The following TRABD variants were observed in gnomAD, a reference collection of about 807,000 sequenced individuals.
TRABD encodes the protein traB domain-containing protein.
In TRABD, 23 loss-of-function variants were observed where a neutral mutation model predicts 39.6. The observed-to-expected ratio is 0.58, with a 90% CI of 0.42 to 0.82. The LOEUF (loss-of-function observed/expected upper bound fraction) is 0.82. TRABD is among the 40% of genes least tolerant of loss of function. The pLI, the probability that TRABD is intolerant of heterozygous loss-of-function variation, is 0.00. For missense variants in TRABD, 487 were observed against 544.9 expected, an observed-to-expected ratio of 0.89 and a Z score of 1.06; for synonymous variants, 243 against 232.1, an observed-to-expected ratio of 1.05 and a Z score of -0.43.
intron 1 of TRABD, among the ~76,000 whole-genome samples, chr22:50,191,101 G>A (rs1172982678): frequency 2.0e-5 from 3 of 152,180 alleles, no homozygotes; most frequent in African/African-American, 7.2e-5. Context: ...TGTCTCCTTA[G>A]TCTCAGCTGA....
At chr22:50,194,581 G>A (rs930976582) in intron 4 of TRABD, 75 bp downstream of exon 4, 20 of 1,540,848 alleles carry the variant, frequency 1.3e-5, no homozygotes, top group Admixed American at 2.0e-5. Flanking sequence ...GGGACCTCCC[G>A]GCAGGGCCCG....
chr22:50,194,389 G>C lies in TRABD; in HGVS notation c.162G>C (p.Arg54=). ...NLLLEMKLKR[R]RQRPNLPRTV... is the part of the protein sequence containing the mutation. Reference sequence around the variant, plus strand: ...TCCTGGAGATGAAGCTGAAGCGGCGGCGTCAGCGGCCCAACCTGCCGCGCA... The same window carrying C: ...TCCTGGAGATGAAGCTGAAGCGGCGCCGTCAGCGGCCCAACCTGCCGCGCA... Residue 54 remains arginine, a synonymous_variant, in exon 4 of 10, where the codon CGG becomes CGC. Coordinates refer to ENST00000380909, the MANE Select transcript of TRABD (RefSeq NM_001320485.2). 1.2e-6 allele frequency: 2 copies of C among 1,612,842 alleles called. No homozygotes were observed. The highest frequency in any genetic ancestry group is 1.7e-6 in the Non-Finnish European group (2 of 1,179,810).
At chr22:50,188,222 C>T (rs1405298350) in intron 1 of TRABD, among the ~76,000 whole-genome samples, 6 of 152,012 alleles carry the variant, frequency 3.9e-5, no homozygotes, top group Non-Finnish European at 5.9e-5. Flanking sequence ...GGGGAGGTTG[C>T]AGTGAGCCAA....
chr22:50,199,010 C>A lies in TRABD; in HGVS notation c.*491C>A. ...GCCGACCCCACCGTGCCCCTGGCATCCTGGCCCTGGCCGCCACCTCCCTGG... is the reference window on the plus strand; with the variant it reads ...GCCGACCCCACCGTGCCCCTGGCATACTGGCCCTGGCCGCCACCTCCCTGG... On this transcript the variant is annotated 3_prime_UTR_variant, in exon 10 of 10. Coordinates refer to ENST00000380909, the MANE Select transcript of TRABD (RefSeq NM_001320485.2). 1 of 669,212 alleles carries A rather than the reference C, an allele frequency of 1.5e-6. No individual in the cohort carries two copies. The highest frequency in any genetic ancestry group is 1.6e-5 in the South Asian group (1 of 61,700). The allele number at this position is 669,212 out of a possible 1,614,324, so 41.5% of individuals were successfully genotyped here.
Position 50,198,566 on chromosome 22 carries a change from G to A in TRABD, c.*47G>A, listed in dbSNP as rs553502182. 31 of 1,458,338 alleles carry A rather than the reference G, an allele frequency of 2.1e-5. No homozygotes were observed. Among genetic ancestry groups the A allele is most frequent in the South Asian group, 5.6e-5 (4 of 71,942 alleles). 90.3% of individuals were successfully genotyped at this position (1,458,338 alleles called of 1,614,324 possible). A position where few individuals can be genotyped will look rare whatever the true frequency, so the allele number is the denominator to read the frequency against. ...GGGCCCCTGAGGAGCCAGTGCCCCC[G>A]CGGCACTTCTGGGTGCCAGGTGCAT... On this transcript the variant is annotated 3_prime_UTR_variant, in exon 10 of 10. Coordinates refer to ENST00000380909, the MANE Select transcript of TRABD (RefSeq NM_001320485.2). This position sits in a 1 kb window ranked among gnomAD's most constrained non-coding sequence, Gnocchi z 7.9.
At position 50,193,588 on chromosome 22, in the gene TRABD, C is replaced by A. The variant is rs1056670416; in HGVS notation, c.46C>A (p.Pro16Thr). 4 of 1,613,854 alleles carry A rather than the reference C, an allele frequency of 2.5e-6. No homozygotes were observed. Among genetic ancestry groups the A allele is most frequent in the East Asian group, 2.2e-5 (1 of 44,878 alleles). Residue 16 changes from proline (P) to threonine (T), a missense_variant, in exon 3 of 10, where the codon CCT becomes ACT. This residue lies in a region of TRABD where 358 missense variants were observed against 414.7 expected (regional missense o/e 0.86). Coordinates refer to ENST00000380909, the MANE Select transcript of TRABD (RefSeq NM_001320485.2). ...QQPPHEANVE[P>T]VVPSEASEPV... ...TTTCCACCTGCAGGCCAACGTGGAA[C>A]CTGTTGTGCCGTCAGAGGCTTCAGA...
chr22:50,196,554 G>C (rs1254811048), intron 5 of TRABD, among the ~76,000 whole-genome samples: 1 of 152,240 alleles, frequency 6.6e-6, no homozygotes, highest in Non-Finnish European at 1.5e-5. Context: ...GGGGTGGCCT[G>C]GTGTCCGCAC....
chr22:50,189,354 G>A (rs2063834999), intron 1 of TRABD, among the ~76,000 whole-genome samples: 2 of 152,224 alleles, frequency 1.3e-5, no homozygotes, highest in South Asian at 2.1e-4. Context: ...CTGTCTGCCG[G>A]CTACCCATGC....
chr22:50,199,229 G>A lies in TRABD; in HGVS notation c.*710G>A. The stretch of plus-strand genomic sequence containing the variant: ...CGCGTGCAGCCAAACATCAGCTCTG[G>A]GTCCAGGCGTGGCCTCAGCTGGGAG... On this transcript the variant is annotated 3_prime_UTR_variant, in exon 10 of 10. Coordinates refer to ENST00000380909, the MANE Select transcript of TRABD (RefSeq NM_001320485.2). 1 of 679,528 alleles carries A rather than the reference G, an allele frequency of 1.5e-6. No homozygotes were observed. The highest frequency in any genetic ancestry group is 1.6e-5 in the South Asian group (1 of 63,708). The allele number at this position is 679,528 out of a possible 1,614,324, so 42.1% of individuals were successfully genotyped here.
chr22:50,198,299 G>A lies in TRABD; in HGVS notation c.957-46G>A, dbSNP rs1363883552. On this transcript the variant is annotated intron_variant, in intron 9 of 9. Coordinates refer to ENST00000380909, the MANE Select transcript of TRABD (RefSeq NM_001320485.2). This position sits in a 1 kb window ranked among gnomAD's most constrained non-coding sequence, Gnocchi z 7.9. ...GACCCAGGCATGGGGGCTGGGGTATGGGGAGCCCACCCCCAGCCAGGCCCA... is the reference window on the plus strand; with the variant it reads ...GACCCAGGCATGGGGGCTGGGGTATAGGGAGCCCACCCCCAGCCAGGCCCA... The A allele has an allele frequency of 2.6e-6, 4 of 1,516,068 alleles. No individual in the cohort carries two copies. The highest frequency in any genetic ancestry group is 1.9e-5 in the Admixed American group (1 of 52,988). The allele number at this position is 1,516,068 out of a possible 1,614,324, so 93.9% of individuals were successfully genotyped here. A position where few individuals can be genotyped will look rare whatever the true frequency, so the allele number is the denominator to read the frequency against.
chr22:50,193,736 C>T lies in TRABD; in HGVS notation c.112+82C>T. ...AGGAGGGGGAGGCAGCCAACCACTG[C>T]CAGGGGCTTGGAGCTTGTGGTGAGC... is the stretch of plus-strand genomic sequence containing the variant. On this transcript the variant is annotated intron_variant, in intron 3 of 9. Transcript: ENST00000380909. The T allele has an allele frequency of 3.6e-6, 5 of 1,383,304 alleles. No homozygotes were observed. In the Admixed American group the frequency reaches 6.8e-5, roughly 19 times the overall value. 85.7% of individuals were successfully genotyped at this position (1,383,304 alleles called of 1,614,324 possible).
At position 50,197,995 on chromosome 22, in the gene TRABD, G is replaced by A. The variant is rs757470633; in HGVS notation, c.844G>A (p.Ala282Thr). 2.5e-6 allele frequency: 4 copies of A among 1,611,010 alleles called. No homozygotes were observed. The highest frequency in any genetic ancestry group is 1.1e-5 in the South Asian group (1 of 90,970). ...RRLELPRASD[A>T]EPRKCVPSVV... Reference sequence around the variant, plus strand: ...CCTCGAGCTGCCTCGGGCCTCTGACGGTGACGGCCGCCCGCAGGCGTGGGA... The same window carrying A: ...CCTCGAGCTGCCTCGGGCCTCTGACAGTGACGGCCGCCCGCAGGCGTGGGA... Residue 282 changes from alanine to threonine, a missense_variant and splice_region_variant, in exon 8 of 10, where the codon GCC becomes ACC. Ala to Thr is a moderately conservative substitution (Grantham distance 58, BLOSUM62 0). Around this residue, in one of 3 missense-constraint regions of TRABD, gnomAD observed 358 missense variants for 414.7 expected, o/e 0.86. Coordinates refer to ENST00000380909, the MANE Select transcript of TRABD (RefSeq NM_001320485.2).
chr22:50,197,712 C>T, intron 7 of TRABD, 111 bp from the exon 8 acceptor site: 1 of 1,570,056 alleles, frequency 6.4e-7, no homozygotes, highest in South Asian at 1.2e-5. Flanking sequence ...TTCCTTCCGC[C>T]ACAAATCCCA....
chr22:50,198,265 T>G lies in TRABD; in HGVS notation c.956+79T>G. 4 of 1,343,832 alleles carry G rather than the reference T, an allele frequency of 3.0e-6. No homozygotes were observed. Among genetic ancestry groups the G allele is most frequent in the Non-Finnish European group, 4.0e-6 (4 of 1,005,716 alleles). The allele number at this position is 1,343,832 out of a possible 1,614,324, so 83.2% of individuals were successfully genotyped here. On this transcript the variant is annotated intron_variant, in intron 9 of 9. Coordinates refer to ENST00000380909, the MANE Select transcript of TRABD (RefSeq NM_001320485.2). The surrounding 1 kb of genome is among the most constrained non-coding windows in gnomAD (Gnocchi z 7.9). ...CTGAGCGCCCTGGAGGCCAACCACA[T>G]GCGGCAGTGACCCAGGCATGGGGGC...
intron 4 of TRABD, 61 bp downstream of exon 4, chr22:50,194,567 C>G: frequency 6.5e-7 from 1 of 1,546,750 alleles, no homozygotes; most frequent in Non-Finnish European, 8.7e-7. Flanking sequence ...GTGTCCTGCA[C>G]TCAGGGACCT....
chr22:50,197,746 C>G lies in TRABD; in HGVS notation c.672-77C>G. 3.2e-6 allele frequency: 5 copies of G among 1,581,322 alleles called. 1 individual carries two copies. The highest frequency in any genetic ancestry group is 4.3e-6 in the Non-Finnish European group (5 of 1,159,144). On this transcript the variant is annotated intron_variant, in intron 7 of 9. Transcript: ENST00000380909. ...CAAACAAACGTGCTGTGGTCCCTGC[C>G]CGGTGTCCACAGTGCCAGCCCCACC... is the stretch of plus-strand genomic sequence containing the variant.
intron 5 of TRABD, 134 bp downstream of exon 5, chr22:50,195,174 G>A (rs888049574): frequency 1.7e-6 from 2 of 1,179,604 alleles, no homozygotes; most frequent in African/African-American, 3.1e-5. Context: ...GGATTGCCGG[G>A]TTAGGGACCT....
chr22:50,193,017 C>G lies in TRABD; in HGVS notation c.-34-10C>G, dbSNP rs373985352. On this transcript the variant is annotated splice_polypyrimidine_tract_variant and intron_variant, in intron 1 of 9. Transcript: ENST00000380909. ...CAGGTGGAAACCCCGCCTCTCATGC[C>G]TCTCCTCAGGCTCCCCACAGGTGCA... 1 of 1,542,674 alleles carries G rather than the reference C, an allele frequency of 6.5e-7. No individual in the cohort carries two copies. Among genetic ancestry groups the G allele is most frequent in the Admixed American group, 2.0e-5 (1 of 51,014 alleles).
chr22:50,193,093 G>A lies in TRABD; in HGVS notation c.33G>A (p.Glu11=). The A allele has an allele frequency of 6.5e-7, 1 of 1,545,076 alleles. No homozygotes were observed. The highest frequency in any genetic ancestry group is 8.7e-7 in the Non-Finnish European group (1 of 1,146,872). ...GGGAGGAGCAGCAGCCACCGCACGAGGTGAGGTGGAGGCTGGGCTGGCTGC... is the reference window on the plus strand; with the variant it reads ...GGGAGGAGCAGCAGCCACCGCACGAAGTGAGGTGGAGGCTGGGCTGGCTGC... MDGEEQQPPH[E]ANVEPVVPSE... The change falls in exon 2 of 10, where the codon GAG becomes GAA. Residue 11 remains glutamate, a splice_region_variant and synonymous_variant. Transcript: ENST00000380909.
Sources: gnomAD v4.1 joint callset for allele counts (sites outside exome capture counted in the v4.1 genomes callset) on GRCh38, gnomAD v4.1.1 for gene constraint, gnomAD v4.1.1 regional missense constraint, Gnocchi (gnomAD v3.1) non-coding constraint, MANE v1.5 for transcripts, NCBI Gene and HGNC (gene_info 2026-07-23, HGNC 2026-07-21) for gene names.